Variants in NEK5 observed in about 807,000 individuals in gnomAD.
NEK5 encodes serine/threonine-protein kinase Nek5.
NEK5 carries 88 observed loss-of-function variants against 109.2 expected under a neutral mutation model. The observed-to-expected ratio is 0.81, with a 90% confidence interval of 0.68 to 0.96. The LOEUF (loss-of-function observed/expected upper bound fraction) is 0.96. Among genes scored for constraint, NEK5 ranks in the 40% least tolerant of loss-of-function variants. The pLI is 0.00. For missense variants in NEK5, 834 were observed against 920.7 expected (o/e 0.91, Z 1.22); for synonymous variants, 283 against 299.9 (o/e 0.94, Z 0.58).
chr13:52,038,788 G>A (rs529750874), intron 23 of NEK5, among the ~76,000 whole-genome samples: 10 of 132,404 alleles, frequency 7.6e-5, no homozygotes, highest in African/African-American at 2.6e-4. Context: ...TCATGCCACT[G>A]CACTCCAGCC....
chr13:52,090,154 C>T (rs1955248218), intron 13 of NEK5, among the ~76,000 whole-genome samples: 1 of 152,130 alleles, frequency 6.6e-6, no homozygotes, highest in African/African-American at 2.4e-5. Flanking sequence ...ATTTTTCCAG[C>T]ACAATTTTAG....
At chr13:52,117,306 T>C (rs1445143236) in intron 4 of NEK5, among the ~76,000 whole-genome samples, 1 of 152,166 alleles carries the variant, frequency 6.6e-6, no homozygotes, top group African/African-American at 2.4e-5. Flanking sequence ...AGCCTTTACC[T>C]ACACTCTCTA....
At chr13:52,081,878 T>C (rs1402581029) in intron 17 of NEK5, among the ~76,000 whole-genome samples, 2 of 152,252 alleles carry the variant, frequency 1.3e-5, no homozygotes. Flanking sequence ...GCCGTGTTTT[T>C]ATGGAATGTG....
At chr13:52,108,574 C>T (rs79814424) in intron 7 of NEK5, among the ~76,000 whole-genome samples, 170 bp from the exon 8 acceptor site, 5 of 152,116 alleles carry the variant, frequency 3.3e-5, no homozygotes, top group East Asian at 3.8e-4. Flanking sequence ...ACTAAATCAG[C>T]TGATTTTTAA....
chr13:52,118,483 G>T, intron 4 of NEK5, among the ~76,000 whole-genome samples: 1 of 152,168 alleles, frequency 6.6e-6, no homozygotes, highest in Admixed American at 6.5e-5. Flanking sequence ...CTGGCATAGA[G>T]TAAGCACTCA....
rs1954350102 is a variant in NEK5 at position 52,035,252 on chromosome 13, T to G, written c.*1696A>C. 1 of 152,128 alleles carries G rather than the reference T, an allele frequency of 6.6e-6. No individual in the cohort carries two copies. 9.4% of individuals were successfully genotyped at this position (152,128 alleles called of 1,614,324 possible). A position where few individuals can be genotyped will look rare whatever the true frequency, so the allele number is the denominator to read the frequency against. On this transcript the variant is annotated 3_prime_UTR_variant, in exon 24 of 24. Coordinates refer to ENST00000684899, the MANE Select transcript of NEK5 (RefSeq NM_001365552.1). ...CAGTCTGTCAAACATCAGGAAATAG[T>G]CACAAAAAACTGGATGTACCTCAGG... is the stretch of plus-strand genomic sequence containing the variant.
At chr13:52,120,319 T>C (rs1955943673) in intron 3 of NEK5, among the ~76,000 whole-genome samples, 1 of 152,078 alleles carries the variant, frequency 6.6e-6, no homozygotes, top group African/African-American at 2.4e-5. Flanking sequence ...AACAGCTAAA[T>C]TACTCCTACC....
intron 23 of NEK5, among the ~76,000 whole-genome samples, chr13:52,043,108 AT>A (rs1194083890): frequency 3.3e-5 from 5 of 152,194 alleles, no homozygotes; most frequent in African/African-American, 7.2e-5. Flanking sequence ...ACTTAAAAAA[AT>A]AAAGAAGTTA....
chr13:52,107,063 T>C (rs948773147), intron 8 of NEK5, among the ~76,000 whole-genome samples: 2 of 152,142 alleles, frequency 1.3e-5, no homozygotes, highest in Admixed American at 1.3e-4. Context: ...TATGAACATA[T>C]AATACAAAAA....
chr13:52,054,080 G>C (rs1002847757), intron 22 of NEK5, among the ~76,000 whole-genome samples: 2 of 152,168 alleles, frequency 1.3e-5, no homozygotes, highest in Non-Finnish European at 2.9e-5. Context: ...TGTAACTTGG[G>C]TAAATTTTTG....
rs528500059 is a variant in NEK5, at chr13:52,080,101, C to T, written c.1572+3159G>A. On this transcript the variant is annotated intron_variant, in intron 17 of 23. Coordinates refer to ENST00000684899, the MANE Select transcript of NEK5 (RefSeq NM_001365552.1). ...CTGAGAAGTGAGGAGCCTATCCGCC[C>T]GGCAGCCACCCCGTCTGGGAGGTGA... 2.2e-3 allele frequency among the ~76,000 whole-genome samples: 336 copies of T among 151,808 alleles called. 2 individuals carry two copies. Among genetic ancestry groups the T allele is most frequent in the African/African-American group, 7.3e-3 (301 of 41,364 alleles).
At chr13:52,086,206 T>C in intron 16 of NEK5, 71 bp downstream of exon 16, 1 of 978,044 alleles carries the variant, frequency 1.0e-6, no homozygotes, top group Non-Finnish European at 1.6e-6. Flanking sequence ...AAATCATTAC[T>C]TTTAATACCA....
chr13:52,114,311 T>A (rs1463883298), intron 4 of NEK5, among the ~76,000 whole-genome samples: 1 of 152,212 alleles, frequency 6.6e-6, no homozygotes, highest in Admixed American at 6.5e-5. Context: ...GATAACATTT[T>A]CCCCTGTAGT....
At chr13:52,056,544 GAAGTA>G (rs1250002707) in intron 22 of NEK5, among the ~76,000 whole-genome samples, 1 of 145,890 alleles carries the variant, frequency 6.9e-6, no homozygotes, top group African/African-American at 2.5e-5. Flanking sequence ...CACATACTTG[GAAGTA>G]AAGCTCTCCT....
intron 23 of NEK5, among the ~76,000 whole-genome samples, chr13:52,043,546 AAAAAAGAAAG>A (rs537991274): frequency 0.014 from 2,052 of 151,028 alleles, 59 homozygotes; most frequent in Admixed American, 0.069. Context: ...CAAAAAAAAA[AAAAAAGAAAG>A]AAAAAGAAAA....
intron 23 of NEK5, among the ~76,000 whole-genome samples, chr13:52,041,728 C>CAAA (rs60216367): frequency 0.37 from 17,557 of 47,936 alleles, 3,719 homozygotes; most frequent in Non-Finnish European, 0.44. Flanking sequence ...AACTCTGTCT[C>CAAA]AAAAAAAAAA....
chr13:52,044,170 A>T (rs1054055304), intron 23 of NEK5, among the ~76,000 whole-genome samples: 1 of 151,964 alleles, frequency 6.6e-6, no homozygotes, highest in African/African-American at 2.4e-5. Flanking sequence ...CGAACATCAG[A>T]CTCCAAGTTC....
intron 3 of NEK5, among the ~76,000 whole-genome samples, chr13:52,120,597 T>G (rs1295781313): frequency 1.3e-5 from 2 of 151,804 alleles, no homozygotes; most frequent in Non-Finnish European, 2.9e-5. Context: ...TCTCATGCAG[T>G]AATCAAAGGA....
intron 23 of NEK5, among the ~76,000 whole-genome samples, chr13:52,041,757 A>G (rs867067041): frequency 4.9e-5 from 7 of 142,612 alleles, no homozygotes; most frequent in Non-Finnish European, 9.3e-5. Flanking sequence ...AAAAAAATTC[A>G]CCTGGAAAGG....
Sources: allele counts gnomAD v4.1 joint callset (sites outside exome capture counted in the v4.1 genomes callset), GRCh38; gene constraint gnomAD v4.1.1; transcripts MANE v1.5; gene names NCBI Gene and HGNC (gene_info 2026-07-23, HGNC 2026-07-21).